The following EFCAB6 variants were observed in gnomAD, a reference collection of about 807,000 sequenced individuals.
EFCAB6 encodes the protein EF-hand calcium-binding domain-containing protein 6.
In EFCAB6, 156 loss-of-function variants were observed where a neutral mutation model predicts 169.8. The observed-to-expected ratio is 0.92, with a 90% CI of 0.81 to 1.05. EFCAB6 has a LOEUF of 1.05. Ranked by LOEUF, EFCAB6 falls within the 50% of genes least tolerant of loss-of-function variation. The pLI, the probability that EFCAB6 is intolerant of heterozygous loss-of-function variation, is 0.00. For synonymous variants in EFCAB6, 698 were observed against 676.4 expected, an observed-to-expected ratio of 1.03 and a Z score of -0.50; for missense variants, 1,800 against 1,829.1, an observed-to-expected ratio of 0.98 and a Z score of 0.29.
chr22:43,607,858 G>A (rs2053029803), intron 22 of EFCAB6, among the ~76,000 whole-genome samples: 1 of 152,178 alleles, frequency 6.6e-6, no homozygotes, highest in African/African-American at 2.4e-5. Flanking sequence ...CATTGTTAGT[G>A]GAATGTGAAA....
Position 43,795,254 on chromosome 22 carries a change from C to T in EFCAB6, c.-7-12929G>A, listed in dbSNP as rs975330480. Among the ~76,000 whole-genome samples, 2 of 152,172 alleles carry T rather than the reference C, an allele frequency of 1.3e-5. No individual in the cohort carries two copies. Among genetic ancestry groups the T allele is most frequent in the African/African-American group, 4.8e-5 (2 of 41,438 alleles). On this transcript the variant is annotated intron_variant, in intron 2 of 31. Transcript: ENST00000262726. This position sits in a 1 kb window ranked among gnomAD's most constrained non-coding sequence, Gnocchi z 4.2. Reference sequence around the variant, plus strand: ...TAGGACAATGTCAAGAGAACAAGTACAGTGGGGCATACACTATGAATACAA... The same window carrying T: ...TAGGACAATGTCAAGAGAACAAGTATAGTGGGGCATACACTATGAATACAA...
At position 43,627,567 on chromosome 22, in the gene EFCAB6, G is replaced by C. The variant is rs1240602789; in HGVS notation, c.2233-888C>G. ...GTTTGTTGCACTTGCCATTTGCCTA[G>C]GATCATACAGCAAGTGCAAGGCTCT... On this transcript the variant is annotated intron_variant, in intron 19 of 31. Coordinates refer to ENST00000262726, the MANE Select transcript of EFCAB6 (RefSeq NM_022785.4). Among the ~76,000 whole-genome samples the C allele has an allele frequency of 2.6e-5, 4 of 152,188 alleles. 1 individual carries two copies. Among genetic ancestry groups the C allele is most frequent in the Non-Finnish European group, 4.4e-5 (3 of 68,034 alleles).
intron 5 of EFCAB6, among the ~76,000 whole-genome samples, chr22:43,756,417 C>T (rs1233252967): frequency 1.3e-5 from 2 of 152,164 alleles, no homozygotes; most frequent in Non-Finnish European, 2.9e-5. Context: ...TGCATCTATA[C>T]CGTCCCTGGG....
chr22:43,671,545 G>C (rs918762160), intron 15 of EFCAB6, among the ~76,000 whole-genome samples: 3 of 152,172 alleles, frequency 2.0e-5, no homozygotes, highest in African/African-American at 4.8e-5. Flanking sequence ...AGTTCCACAA[G>C]AGTTGAGATG....
At chr22:43,749,199 T>C (rs1261929285) in intron 6 of EFCAB6, among the ~76,000 whole-genome samples, 3 of 152,034 alleles carry the variant, frequency 2.0e-5, no homozygotes, top group African/African-American at 7.2e-5. Context: ...TCTGCTTGAA[T>C]GAATGATGAG....
In EFCAB6 at chr22:43,735,860, T is replaced by A. The variant is rs1291187207; in HGVS notation, c.641A>T (p.Glu214Val). ...FCMKLRDEEY[E>V]KFSKHYNIHK... The stretch of plus-strand genomic sequence containing the variant: ...CACCGTGCCTTCATTTGCTTACTTT[T>A]CGTATTCCTCGTCTCTTAACTTCAT... Residue 214 changes from glutamate to valine, a missense_variant, in exon 7 of 32, where the codon GAA (glutamate) becomes GTA (valine). By Grantham distance (121) the Glu-to-Val change is moderately radical. Transcript: ENST00000262726. 1 of 1,611,776 alleles carries A rather than the reference T, an allele frequency of 6.2e-7. No homozygotes were observed. Among genetic ancestry groups the A allele is most frequent in the Non-Finnish European group, 8.5e-7 (1 of 1,179,500 alleles).
intron 8 of EFCAB6, among the ~76,000 whole-genome samples, chr22:43,718,387 T>C (rs1005274537): frequency 1.3e-5 from 2 of 152,086 alleles, no homozygotes; most frequent in African/African-American, 4.8e-5. Context: ...GTTAACAAAC[T>C]GCCAGTCATC....
chr22:43,783,148 C>G (rs573933775), intron 2 of EFCAB6, among the ~76,000 whole-genome samples: 1 of 152,298 alleles, frequency 6.6e-6, no homozygotes, highest in African/African-American at 2.4e-5. Flanking sequence ...ACTCAGAGTT[C>G]ACTCAGTGAA....
rs554295025 is a variant in EFCAB6 at position 43,639,226 on chromosome 22, T to C, written c.1984-4010A>G. On this transcript the variant is annotated intron_variant, in intron 17 of 31. Transcript: ENST00000262726. ...ATCAGCAATTTACCATTTCTAATGT[T>C]CTTTGTTCTGTCATGGACAGCCAAG... 8.1e-4 allele frequency among the ~76,000 whole-genome samples: 123 copies of C among 152,346 alleles called. 1 individual carries two copies. The highest frequency in any genetic ancestry group is 1.6e-3 in the Non-Finnish European group (106 of 68,038).
At chr22:43,555,145 C>T (rs1481627188) in intron 26 of EFCAB6, 49 bp from the exon 27 acceptor site, 1 of 1,595,328 alleles carries the variant, frequency 6.3e-7, no homozygotes, top group Non-Finnish European at 8.6e-7. Context: ...TAATCGACCA[C>T]CTCTTGCTCT....
chr22:43,689,658 T>C (rs1207918666), intron 10 of EFCAB6, among the ~76,000 whole-genome samples: 2 of 152,166 alleles, frequency 1.3e-5, no homozygotes, highest in African/African-American at 2.4e-5. Flanking sequence ...TCCCCTTTTG[T>C]TCCTCTCCTT....
At chr22:43,533,111 G>A (rs2047178801) in intron 30 of EFCAB6, among the ~76,000 whole-genome samples, 1 of 152,204 alleles carries the variant, frequency 6.6e-6, no homozygotes. Context: ...GTAAAAATCT[G>A]GAAGAACTGT....
At chr22:43,716,742 G>C (rs2059343913) in intron 9 of EFCAB6, 106 bp downstream of exon 9, 1 of 1,397,474 alleles carries the variant, frequency 7.2e-7, no homozygotes, top group Non-Finnish European at 9.4e-7. Context: ...ACATAGGTAG[G>C]ATCGAAACAA....
chr22:43,689,719 G>A lies in EFCAB6; in HGVS notation c.1032-2138C>T, dbSNP rs903575081. 2.6e-5 allele frequency among the ~76,000 whole-genome samples: 4 copies of A among 152,188 alleles called. No homozygotes were observed. The East Asian group carries it at 7.7e-4, about 29-fold the overall frequency. ...GAGGCCGAAACTTAGTTTACAAAATGAGGAAAGAAGAGAAGTGCAAAGTGG... is the reference window on the plus strand; with the variant it reads ...GAGGCCGAAACTTAGTTTACAAAATAAGGAAAGAAGAGAAGTGCAAAGTGG... On this transcript the variant is annotated intron_variant, in intron 10 of 31. Coordinates refer to ENST00000262726, the MANE Select transcript of EFCAB6 (RefSeq NM_022785.4).
chr22:43,604,225 A>G lies in EFCAB6; in HGVS notation c.2682-3962T>C, dbSNP rs76871410. Among the ~76,000 whole-genome samples, 591 of 152,268 alleles carry G rather than the reference A, an allele frequency of 3.9e-3. 4 individuals carry two copies. Among genetic ancestry groups the G allele is most frequent in the African/African-American group, 0.014 (565 of 41,540 alleles). On this transcript the variant is annotated intron_variant, in intron 22 of 31. Coordinates refer to ENST00000262726, the MANE Select transcript of EFCAB6 (RefSeq NM_022785.4). ...AGGTATTTCTTTATAGCAGCACGAG[A>G]ATAGACTAATATAGTGTCCAATTGC...
At chr22:43,708,889 C>G (rs1354696106) in intron 10 of EFCAB6, among the ~76,000 whole-genome samples, 2 of 152,084 alleles carry the variant, frequency 1.3e-5, no homozygotes, top group Non-Finnish European at 2.9e-5. Flanking sequence ...TTCCAGTAAC[C>G]TATTCCACTG....
chr22:43,649,772 C>A (rs1368140021), intron 17 of EFCAB6, among the ~76,000 whole-genome samples: 1 of 152,082 alleles, frequency 6.6e-6, no homozygotes, highest in African/African-American at 2.4e-5. Flanking sequence ...CGGAGGCAAC[C>A]AGGACCCAGA....
intron 8 of EFCAB6, among the ~76,000 whole-genome samples, chr22:43,731,283 C>A (rs2147615992): frequency 6.6e-6 from 1 of 152,182 alleles, no homozygotes; most frequent in Non-Finnish European, 1.5e-5. Flanking sequence ...CAGCTATTTG[C>A]CCTTTTCTGT....
intron 12 of EFCAB6, among the ~76,000 whole-genome samples, chr22:43,679,725 C>T (rs1413819088): frequency 6.6e-6 from 1 of 152,062 alleles, no homozygotes; most frequent in East Asian, 1.9e-4. Flanking sequence ...CTCTAGTGAT[C>T]AATACTGTCA....
Sources: allele counts gnomAD v4.1 joint callset (sites outside exome capture counted in the v4.1 genomes callset), GRCh38; gene constraint gnomAD v4.1.1; non-coding constraint Gnocchi (gnomAD v3.1); transcripts MANE v1.5; gene names NCBI Gene and HGNC (gene_info 2026-07-23, HGNC 2026-07-21).